Variants in CNP observed in about 807,000 individuals in gnomAD.
The protein encoded by CNP is 2',3'-cyclic nucleotide 3' phosphodiesterase, also known as 2',3'-cyclic-nucleotide 3'-phosphodiesterase.
CNP carries 8 observed loss-of-function variants against 37.9 expected under a neutral mutation model. The observed-to-expected ratio is 0.21, with a 90% CI of 0.12 to 0.38. The LOEUF (loss-of-function observed/expected upper bound fraction) is 0.38. Among genes scored for constraint, CNP ranks in the 10% least tolerant of loss-of-function variants. The probability of loss-of-function intolerance (pLI) is 1.00; values close to 1 mark genes in which losing one functional copy is unlikely to be tolerated. For missense variants in CNP, 457 were observed against 551.0 expected, an observed-to-expected ratio of 0.83 and a Z score of 1.71; for synonymous variants, 237 against 238.3, an observed-to-expected ratio of 0.99 and a Z score of 0.05.
chr17:41,966,925 A>G, intron 1 of CNP, 38 bp downstream of exon 1: 1 of 1,302,180 alleles, frequency 7.7e-7, no homozygotes, highest in Non-Finnish European at 9.8e-7. Context: ...GGGTAGCACC[A>G]GGGCGGGAAA....
rs2144559715 is a variant in CNP at position 41,968,770 on chromosome 17, C to T, written c.676+30C>T. On this transcript the variant is annotated intron_variant, in intron 2 of 3. Coordinates refer to ENST00000393892, the MANE Select transcript of CNP (RefSeq NM_033133.5). This position sits in a 1 kb window ranked among gnomAD's most constrained non-coding sequence, Gnocchi z 4.8. ...GTGGCAGGTTGGGGCCTTATAAGCC[C>T]ACCTTGCTGGGCACAGGGTGCTGCG... 8 of 1,579,086 alleles carry T rather than the reference C, an allele frequency of 5.1e-6. No homozygotes were observed.
At chr17:41,967,594 G>A (rs1022444596) in intron 1 of CNP, 4 of 941,366 alleles carry the variant, frequency 4.2e-6, no homozygotes, top group Non-Finnish European at 5.1e-6. Context: ...GTACCCGCAT[G>A]CCAGACAAGA....
Position 41,968,766 on chromosome 17 carries a change from A to G in CNP, c.676+26A>G, listed in dbSNP as rs781827095. 1 of 1,584,714 alleles carries G rather than the reference A, an allele frequency of 6.3e-7. No homozygotes were observed. The highest frequency in any genetic ancestry group is 1.7e-4 in the Middle Eastern group (1 of 5,902). The stretch of plus-strand genomic sequence containing the variant: ...GTAGGTGGCAGGTTGGGGCCTTATA[A>G]GCCCACCTTGCTGGGCACAGGGTGC... On this transcript the variant is annotated intron_variant, in intron 2 of 3. Coordinates refer to ENST00000393892, the MANE Select transcript of CNP (RefSeq NM_033133.5). The surrounding 1 kb of genome is among the most constrained non-coding windows in gnomAD (Gnocchi z 4.8).
rs1555644532 is a variant in CNP at position 41,975,097 on chromosome 17, G to GA, written c.*1174dup. On this transcript the variant is annotated 3_prime_UTR_variant, in exon 4 of 4. Transcript: ENST00000393892. ...GTTGTCACTCAACAAAAGTGCTTTG[G>GA]ATTTAAGTTACTATCCTGGCTTTGC... The GA allele has an allele frequency of 6.6e-6, 1 of 152,262 alleles. No homozygotes were observed. Among genetic ancestry groups the GA allele is most frequent in the East Asian group, 1.9e-4 (1 of 5,202 alleles). The allele number at this position is 152,262 out of a possible 1,614,324, so 9.4% of individuals were successfully genotyped here. A position where few individuals can be genotyped will look rare whatever the true frequency, so the allele number is the denominator to read the frequency against.
Position 41,974,945 on chromosome 17 carries a change from C to T in CNP, c.*1021C>T, listed in dbSNP as rs1214712342. The T allele has an allele frequency of 2.0e-5, 3 of 152,310 alleles. No individual in the cohort carries two copies. In the East Asian group the frequency reaches 5.8e-4, roughly 29 times the overall value. 9.4% of individuals were successfully genotyped at this position (152,310 alleles called of 1,614,324 possible). On this transcript the variant is annotated 3_prime_UTR_variant, in exon 4 of 4. Coordinates refer to ENST00000393892, the MANE Select transcript of CNP (RefSeq NM_033133.5). ...GCACCAAGAGCCAATGGAGTAGACC[C>T]CTGGCTGGTAAGGGCCAAGTCCCAC... is the stretch of plus-strand genomic sequence containing the variant.
In CNP at chr17:41,967,944, G is replaced by T. The variant is rs2050927220; in HGVS notation, c.4-124G>T. 23 of 1,495,610 alleles carry T rather than the reference G, an allele frequency of 1.5e-5. No homozygotes were observed. In the South Asian group the frequency reaches 2.9e-4, roughly 19 times the overall value. 92.6% of individuals were successfully genotyped at this position (1,495,610 alleles called of 1,614,324 possible). ...GCGGAAAGGTGCTCCCGGACCGAAA[G>T]GGAAAGAAGGTCCAGCACTGCCCCG... On this transcript the variant is annotated intron_variant, in intron 1 of 3. Transcript: ENST00000393892.
intron 1 of CNP, chr17:41,967,598 G>C: frequency 1.0e-6 from 1 of 957,516 alleles, no homozygotes; most frequent in Middle Eastern, 5.3e-4. Context: ...CCGCATGCCA[G>C]ACAAGAGAGT....
chr17:41,974,479 GC>G lies in CNP; in HGVS notation c.*556del, dbSNP rs2051043339. 1.3e-5 allele frequency: 2 copies of G among 153,538 alleles called. No individual in the cohort carries two copies. The highest frequency in any genetic ancestry group is 2.9e-5 in the Non-Finnish European group (2 of 69,194). The allele number at this position is 153,538 out of a possible 1,614,324, so 9.5% of individuals were successfully genotyped here. A position where few individuals can be genotyped will look rare whatever the true frequency, so the allele number is the denominator to read the frequency against. On this transcript the variant is annotated 3_prime_UTR_variant, in exon 4 of 4. Coordinates refer to ENST00000393892, the MANE Select transcript of CNP (RefSeq NM_033133.5). ...GTCCTGCTATTTCCCAAGCTGGAGT[GC>G]AGTGGTGCGATCATGGCTCACTGCA...
chr17:41,968,100 C>T lies in CNP; in HGVS notation c.36C>T (p.Phe12=), dbSNP rs782548393. 22 of 1,613,956 alleles carry T rather than the reference C, an allele frequency of 1.4e-5. No homozygotes were observed. The African/African-American group carries it at 2.8e-4, about 21-fold the overall frequency. The part of the protein sequence containing the change: ...NRGFSRKSHT[F]LPKIFFRKMS... ...GCTTCTCCCGAAAAAGCCACACATT[C>T]CTGCCCAAGATCTTCTTCCGCAAGA... is the stretch of plus-strand genomic sequence containing the variant. Residue 12 remains phenylalanine (F), a synonymous_variant, in exon 2 of 4, where the codon TTC becomes TTT. Coordinates refer to ENST00000393892, the MANE Select transcript of CNP (RefSeq NM_033133.5). The surrounding 1 kb of genome is among the most constrained non-coding windows in gnomAD (Gnocchi z 4.8).
Position 41,972,028 on chromosome 17 carries a change from A to T in CNP, c.813A>T (p.Gln271His), listed in dbSNP as rs782737517. The change falls in exon 3 of 4, where the codon CAA (glutamine) becomes CAT (histidine). Residue 271 changes from glutamine to histidine, a missense_variant. Physicochemically the swap from Gln to His is conservative, Grantham distance 24 (BLOSUM62 0). Coordinates refer to ENST00000393892, the MANE Select transcript of CNP (RefSeq NM_033133.5). ...CCGGGGCAGAGGAGTACGCTCAACA[A>T]GATGTGAGTCTTCCCCAGGGACACA... Reference protein sequence around the residue: ...KAPGAEEYAQQDVLKKSYSKA... With the variant: ...KAPGAEEYAQHDVLKKSYSKA... The T allele has an allele frequency of 6.2e-7, 1 of 1,613,582 alleles. No homozygotes were observed. The highest frequency in any genetic ancestry group is 1.7e-5 in the Admixed American group (1 of 59,980).
At position 41,971,926 on chromosome 17, in the gene CNP, C is replaced by G; in HGVS notation, c.711C>G (p.Asp237Glu). ...GGGATGAGCCCAGGGAGAAGATGGACTTGGTCACCTACTTTGGAAAGAGAC... is the reference window on the plus strand; with the variant it reads ...GGGATGAGCCCAGGGAGAAGATGGAGTTGGTCACCTACTTTGGAAAGAGAC... ...VPGDEPREKM[D>E]LVTYFGKRPP... The change falls in exon 3 of 4, where the codon GAC (aspartate) becomes GAG (glutamate). Residue 237 changes from aspartate to glutamate, a missense_variant. Physicochemically the swap from Asp to Glu is conservative, Grantham distance 45 (BLOSUM62 2). Coordinates refer to ENST00000393892, the MANE Select transcript of CNP (RefSeq NM_033133.5). 1.9e-6 allele frequency: 3 copies of G among 1,613,790 alleles called. No homozygotes were observed. The highest frequency in any genetic ancestry group is 2.5e-6 in the Non-Finnish European group (3 of 1,179,938).
Position 41,976,907 on chromosome 17 carries a change from A to T in CNP, c.*2983A>T. On this transcript the variant is annotated 3_prime_UTR_variant, in exon 4 of 4. Coordinates refer to ENST00000393892, the MANE Select transcript of CNP (RefSeq NM_033133.5). ...AAACTCTATGGGTATCAAACAGCTCAGGCTGTTTTTGGGTGCAAGAGGGAG... is the reference window on the plus strand; with the variant it reads ...AAACTCTATGGGTATCAAACAGCTCTGGCTGTTTTTGGGTGCAAGAGGGAG... 1.7e-6 allele frequency: 2 copies of T among 1,150,620 alleles called. No homozygotes were observed. The highest frequency in any genetic ancestry group is 2.4e-6 in the Non-Finnish European group (2 of 822,204). The allele number at this position is 1,150,620 out of a possible 1,614,324, so 71.3% of individuals were successfully genotyped here.
intron 3 of CNP, among the ~76,000 whole-genome samples, 161 bp downstream of exon 3, chr17:41,972,192 G>A (rs1336590344): frequency 3.3e-5 from 5 of 151,658 alleles, no homozygotes; most frequent in Admixed American, 6.6e-5. Flanking sequence ...GTCCCCAGGC[G>A]TAGCTGCATA....
intron 1 of CNP, 69 bp from the exon 2 acceptor site, chr17:41,967,999 G>C: frequency 6.4e-7 from 1 of 1,558,704 alleles, no homozygotes; most frequent in Non-Finnish European, 8.7e-7. Flanking sequence ...CCAGTCTAGG[G>C]ACTAGGGGTA....
Position 41,973,506 on chromosome 17 carries a change from C to G in CNP, c.848C>G (p.Thr283Arg), listed in dbSNP as rs782078035. The change falls in exon 4 of 4, where the codon ACG (threonine) becomes AGG (arginine). Residue 283 changes from threonine (T) to arginine (R), a missense_variant. By Grantham distance (71) the Thr-to-Arg change is moderately conservative (BLOSUM62 -1). Coordinates refer to ENST00000393892, the MANE Select transcript of CNP (RefSeq NM_033133.5). ...VLKKSYSKAFTLTISALFVTP... is the reference protein window; with the variant it reads ...VLKKSYSKAFRLTISALFVTP... ...AAGAAATCTTACTCCAAGGCCTTCA[C>G]GCTGACCATCTCTGCCCTCTTTGTG... 6.2e-7 allele frequency: 1 copy of G among 1,614,094 alleles called. No individual in the cohort carries two copies. The highest frequency in any genetic ancestry group is 8.5e-7 in the Non-Finnish European group (1 of 1,180,048).
intron 2 of CNP, 161 bp from the exon 3 acceptor site, chr17:41,971,731 C>A: frequency 1.1e-6 from 1 of 886,290 alleles, no homozygotes. Flanking sequence ...TCTAAAGTTG[C>A]CATTAGTTTG....
chr17:41,967,053 G>A, intron 1 of CNP, 166 bp downstream of exon 1: 1 of 734,622 alleles, frequency 1.4e-6, no homozygotes, highest in East Asian at 3.4e-5. Flanking sequence ...AAGCGGAGGG[G>A]TTTTGGGGTG....
Position 41,973,791 on chromosome 17 carries a change from GGC to G in CNP, c.1136_1137del (p.Arg379LeufsTer30). 1 of 1,612,724 alleles carries G rather than the reference GGC, an allele frequency of 6.2e-7. No homozygotes were observed. The highest frequency in any genetic ancestry group is 8.5e-7 in the Non-Finnish European group (1 of 1,179,322). ...GGCAAGCTCTATTCCTTGGGCAATG[GGC>G]GCTGGATGCTGACCCTGGCCAAGAA... On this transcript the variant is annotated frameshift_variant, in exon 4 of 4. Coordinates refer to ENST00000393892, the MANE Select transcript of CNP (RefSeq NM_033133.5). LOFTEE classifies it high-confidence loss of function.
intron 2 of CNP, chr17:41,970,160 G>A (rs992977936): frequency 6.8e-6 from 1 of 147,906 alleles, no homozygotes; most frequent in South Asian, 2.2e-4. Context: ...GCAGTGGCAT[G>A]ATCTCGGCTC....
Sources: gnomAD v4.1 joint callset for allele counts (sites outside exome capture counted in the v4.1 genomes callset) on GRCh38, gnomAD v4.1.1 for gene constraint, Gnocchi (gnomAD v3.1) non-coding constraint, MANE v1.5 for transcripts, NCBI Gene and HGNC (gene_info 2026-07-23, HGNC 2026-07-21) for gene names.